Variants in RIMBP2 observed in about 807,000 individuals in gnomAD.
RIMBP2 encodes the protein RIMS-binding protein 2.
In RIMBP2, 48 loss-of-function variants were observed where a neutral mutation model predicts 118.6. The ratio of observed to expected loss-of-function variants is 0.40; its 90% CI spans 0.32 to 0.51. RIMBP2 has a LOEUF of 0.51. Among genes scored for constraint, RIMBP2 ranks in the 20% least tolerant of loss-of-function variants. The pLI, the probability that RIMBP2 is intolerant of heterozygous loss-of-function variation, is 0.41. For synonymous variants in RIMBP2, 762 were observed against 742.9 expected, an observed-to-expected ratio of 1.03 and a Z score of -0.42; for missense variants, 1,551 against 1,768.3, an observed-to-expected ratio of 0.88 and a Z score of 2.20.
chr12:130,696,727 A>G (rs1449964688), intron 1 of RIMBP2, among the ~76,000 whole-genome samples: 1 of 152,222 alleles, frequency 6.6e-6, no homozygotes, highest in Non-Finnish European at 1.5e-5. Flanking sequence ...CAGAAGGAGT[A>G]AGGGGAATTA....
chr12:130,658,475 T>TG (rs2063518256), intron 1 of RIMBP2: 1 of 151,740 alleles, frequency 6.6e-6, no homozygotes, highest in Non-Finnish European at 1.5e-5. Context: ...ATTTCAACTA[T>TG]GAAAAAAAAG....
chr12:130,490,802 C>CT (rs2048567875), intron 4 of RIMBP2, among the ~76,000 whole-genome samples: 1 of 152,180 alleles, frequency 6.6e-6, no homozygotes, highest in African/African-American at 2.4e-5. Flanking sequence ...AACCCCTCGG[C>CT]TTACCGGCCA....
At chr12:130,466,486 CAGA>C (rs1424692740) in intron 6 of RIMBP2, among the ~76,000 whole-genome samples, 2 of 152,148 alleles carry the variant, frequency 1.3e-5, no homozygotes, top group Non-Finnish European at 2.9e-5. Flanking sequence ...GAACAGGGCC[CAGA>C]AGTGTCCATG....
At chr12:130,659,462 C>CA (rs1555319963) in intron 1 of RIMBP2, among the ~76,000 whole-genome samples, 2 of 150,808 alleles carry the variant, frequency 1.3e-5, no homozygotes, top group African/African-American at 2.4e-5. Flanking sequence ...CCCAGCTACT[C>CA]GGAGGCTGAG....
intron 1 of RIMBP2, among the ~76,000 whole-genome samples, chr12:130,666,260 G>A (rs916585515): frequency 1.3e-5 from 2 of 152,180 alleles, no homozygotes; most frequent in African/African-American, 4.8e-5. Flanking sequence ...TATGGAAGCA[G>A]CAAGTGTGCA....
rs141424028 is a variant in RIMBP2, at chr12:130,416,272, T to C, written c.3239-1966A>G. 4.1e-3 allele frequency among the ~76,000 whole-genome samples: 627 copies of C among 152,290 alleles called. 3 individuals are homozygous for C. Among genetic ancestry groups the C allele is most frequent in the African/African-American group, 0.014 (569 of 41,556 alleles). ...AAAAGAGCCCAAATAGCCGAAGTGG[T>C]CTTAAGCAAAAGGAACAAATCCGGA... On this transcript the variant is annotated intron_variant, in intron 17 of 22. Coordinates refer to ENST00000690449, the MANE Select transcript of RIMBP2 (RefSeq NM_001393629.1).
Position 130,511,624 on chromosome 12 carries a change from C to T in RIMBP2, c.-126-4854G>A, listed in dbSNP as rs1265007686. 6.6e-6 allele frequency among the ~76,000 whole-genome samples: 1 copy of T among 152,194 alleles called. No homozygotes were observed. The highest frequency in any genetic ancestry group is 1.5e-5 in the Non-Finnish European group (1 of 68,034). On this transcript the variant is annotated intron_variant, in intron 3 of 22. Transcript: ENST00000690449. This position sits in a 1 kb window ranked among gnomAD's most constrained non-coding sequence, Gnocchi z 4.3. ...AAGAATGCTTAGCAACCCTCAATTG[C>T]TTTTGGAGTATGCGCCATCTCTCTC... is the stretch of plus-strand genomic sequence containing the variant.
At chr12:130,498,836 C>T (rs559244533) in intron 4 of RIMBP2, among the ~76,000 whole-genome samples, 3 of 152,296 alleles carry the variant, frequency 2.0e-5, no homozygotes, top group South Asian at 2.1e-4. Flanking sequence ...GGAGGCCCCA[C>T]GTGAGAACCA....
chr12:130,535,722 T>C (rs12825509), intron 2 of RIMBP2, among the ~76,000 whole-genome samples: 4,374 of 73,510 alleles, frequency 0.06, 237 homozygotes, highest in African/African-American at 0.16. Flanking sequence ...CATATACATA[T>C]ATATACATAT....
chr12:130,646,109 A>G lies in RIMBP2; in HGVS notation c.-351-17653T>C, dbSNP rs1457842017. ...CACTTCCCTCTCCACCTCCCTCTCC[A>G]CCTCCCTCACCACCTGCCTCTCCAC... On this transcript the variant is annotated intron_variant, in intron 1 of 22. Coordinates refer to ENST00000690449, the MANE Select transcript of RIMBP2 (RefSeq NM_001393629.1). 7.9e-5 allele frequency among the ~76,000 whole-genome samples: 10 copies of G among 127,264 alleles called. No homozygotes were observed. In the East Asian group the frequency reaches 1.6e-3, roughly 20 times the overall value. The allele number at this position is 127,264 out of a possible 152,430, so 83.5% of individuals were successfully genotyped here. A position where few individuals can be genotyped will look rare whatever the true frequency, so the allele number is the denominator to read the frequency against.
At chr12:130,551,071 C>G (rs2139718832) in intron 2 of RIMBP2, among the ~76,000 whole-genome samples, 1 of 152,268 alleles carries the variant, frequency 6.6e-6, no homozygotes, top group Admixed American at 6.5e-5. Flanking sequence ...ACAATAATCA[C>G]CAGGTCTATG....
chr12:130,584,501 CCATCACCT>C (rs1182396279), intron 2 of RIMBP2, among the ~76,000 whole-genome samples: 2 of 150,002 alleles, frequency 1.3e-5, no homozygotes, highest in African/African-American at 4.9e-5. Context: ...CACATCACCA[CCATCACCT>C]CATCACCACC....
At chr12:130,479,739 C>T (rs1379604437) in intron 4 of RIMBP2, among the ~76,000 whole-genome samples, 7 of 151,986 alleles carry the variant, frequency 4.6e-5, no homozygotes, top group African/African-American at 1.2e-4. Flanking sequence ...CTGGGAAAGT[C>T]GCAAGGTGGC....
chr12:130,697,167 T>C (rs987190028), intron 1 of RIMBP2, among the ~76,000 whole-genome samples: 2 of 152,204 alleles, frequency 1.3e-5, no homozygotes, highest in Non-Finnish European at 2.9e-5. Context: ...GGAGACACAA[T>C]ACCGGACGAA....
chr12:130,465,261 A>G (rs13377753), intron 6 of RIMBP2: 39,836 of 152,166 alleles, frequency 0.26, 6,449 homozygotes, highest in Non-Finnish European at 0.35. Context: ...TGAGGCCGAG[A>G]CGAACCAGGG....
At chr12:130,564,545 T>C (rs1212259737) in intron 2 of RIMBP2, among the ~76,000 whole-genome samples, 6 of 152,172 alleles carry the variant, frequency 3.9e-5, no homozygotes, top group Non-Finnish European at 7.3e-5. Context: ...ATAGGGTATA[T>C]ACATACAATG....
chr12:130,569,076 G>A (rs1021999063), intron 2 of RIMBP2, among the ~76,000 whole-genome samples: 21 of 151,320 alleles, frequency 1.4e-4, no homozygotes, highest in African/African-American at 3.6e-4. Context: ...CTTCAGTTCC[G>A]TGTATAAAAC....
intron 2 of RIMBP2, among the ~76,000 whole-genome samples, chr12:130,534,319 T>G (rs562346883): frequency 6.6e-6 from 1 of 150,496 alleles, no homozygotes; most frequent in South Asian, 2.1e-4. Flanking sequence ...TGTATAATAT[T>G]CTAGTGATGG....
At chr12:130,488,143 T>G (rs568688687) in intron 4 of RIMBP2, among the ~76,000 whole-genome samples, 1 of 152,232 alleles carries the variant, frequency 6.6e-6, no homozygotes, top group African/African-American at 2.4e-5. Flanking sequence ...CTAGAGAAGA[T>G]TGGATCCTCA....
Sources: gnomAD v4.1 joint callset for allele counts (sites outside exome capture counted in the v4.1 genomes callset) on GRCh38, gnomAD v4.1.1 for gene constraint, Gnocchi (gnomAD v3.1) non-coding constraint, MANE v1.5 for transcripts, NCBI Gene and HGNC (gene_info 2026-07-23, HGNC 2026-07-21) for gene names.